The following PTPN3 variants were observed in gnomAD, a reference collection of about 807,000 sequenced individuals.
The protein encoded by PTPN3 is protein tyrosine phosphatase non-receptor type 3.
In PTPN3, 96 loss-of-function variants were observed where a neutral mutation model predicts 132.7. The observed-to-expected ratio is 0.72, with a 90% CI of 0.61 to 0.86. PTPN3 has a LOEUF of 0.86. Ranked by LOEUF, PTPN3 falls within the 40% of genes least tolerant of loss-of-function variation. The probability of loss-of-function intolerance (pLI) is 0.00; values close to 1 mark genes in which losing one functional copy is unlikely to be tolerated. For missense variants in PTPN3, 1,125 were observed against 1,159.6 expected (o/e 0.97, Z 0.43); for synonymous variants, 398 against 429.0 (o/e 0.93, Z 0.89).
chr9:109,396,539 T>C (rs752293500), intron 19 of PTPN3, among the ~76,000 whole-genome samples: 2 of 152,186 alleles, frequency 1.3e-5, no homozygotes, highest in Non-Finnish European at 2.9e-5. Flanking sequence ...GTCACAGGGA[T>C]ACAAAATGAC....
chr9:109,445,203 AC>A (rs751366566), intron 7 of PTPN3, 36 bp downstream of exon 7: 1 of 1,591,804 alleles, frequency 6.3e-7, no homozygotes, highest in South Asian at 1.1e-5. Context: ...GATCAGAACA[AC>A]CTGTCCATCC....
At chr9:109,479,504 G>A (rs1385618739) in intron 1 of PTPN3, among the ~76,000 whole-genome samples, 1 of 152,330 alleles carries the variant, frequency 6.6e-6, no homozygotes, top group South Asian at 2.1e-4. Flanking sequence ...GTATCTGTCC[G>A]AGTCCACTTT....
chr9:109,505,795 G>A, the PTPN3 span, among the ~76,000 whole-genome samples: 95 of 151,896 alleles, frequency 6.3e-4, no homozygotes, highest in African/African-American at 2.2e-3. Flanking sequence ...TGTGGCCCAG[G>A]CTTGAGTGCA....
chr9:109,451,043 AATTTTT>A lies in PTPN3; in HGVS notation c.369-2194_369-2189del, dbSNP rs1287581833. On this transcript the variant is annotated intron_variant, in intron 5 of 25. Coordinates refer to ENST00000374541, the MANE Select transcript of PTPN3 (RefSeq NM_002829.4). The stretch of plus-strand genomic sequence containing the variant: ...AAGTTTTTTTATTTTTCATTTTTTT[AATTTTT>A]AATTTTTTTAAAGCATGTGAATTAA... The A allele has an allele frequency of 4.8e-3, 1,964 of 408,026 alleles. 3 individuals carry two copies. Among genetic ancestry groups the A allele is most frequent in the East Asian group, 0.03 (116 of 3,888 alleles). The allele number at this position is 408,026 out of a possible 1,614,324, so 25.3% of individuals were successfully genotyped here.
Position 109,457,186 on chromosome 9 carries a change from C to G in PTPN3, c.276G>C (p.Arg92Ser), listed in dbSNP as rs780583300. The change falls in exon 4 of 26, where the codon AGG (arginine) becomes AGC (serine). Residue 92 changes from arginine (R) to serine (S), a missense_variant. Transcript: ENST00000374541. ...PRWLEASKAI[R>S]KQLKGGFPCT... ...GATCACACCAACCTTTTAACTGCTT[C>G]CTGATGGCTTTGCTTGCTTCCAGCC... 6.2e-7 allele frequency: 1 copy of G among 1,614,040 alleles called. No homozygotes were observed. Among genetic ancestry groups the G allele is most frequent in the South Asian group, 1.1e-5 (1 of 91,058 alleles).
At chr9:109,475,681 G>C (rs1846623229) in intron 1 of PTPN3, among the ~76,000 whole-genome samples, 1 of 152,198 alleles carries the variant, frequency 6.6e-6, no homozygotes, top group Non-Finnish European at 1.5e-5. Flanking sequence ...GTCAGTCCAC[G>C]ATATTTCTAT....
chr9:109,477,539 G>C lies in PTPN3; in HGVS notation c.-17-14088C>G, dbSNP rs114146920. Among the ~76,000 whole-genome samples, 852 of 152,362 alleles carry C rather than the reference G, an allele frequency of 5.6e-3. 10 individuals carry two copies. Among genetic ancestry groups the C allele is most frequent in the African/African-American group, 0.019 (811 of 41,596 alleles). On this transcript the variant is annotated intron_variant, in intron 1 of 25. Transcript: ENST00000374541. Reference sequence around the variant, plus strand: ...TAAAGTGTGGCCAACGCACCTTTCAGAATTGAGGAAATGTAGTAAATGACT... The same window carrying C: ...TAAAGTGTGGCCAACGCACCTTTCACAATTGAGGAAATGTAGTAAATGACT...
At chr9:109,535,349 T>C in the PTPN3 span, among the ~76,000 whole-genome samples, 2 of 152,154 alleles carry the variant, frequency 1.3e-5, no homozygotes, top group Non-Finnish European at 2.9e-5. Context: ...AAAATTTCAG[T>C]GTAAAATATA....
the PTPN3 span, among the ~76,000 whole-genome samples, chr9:109,537,585 T>C: frequency 1.3e-5 from 2 of 152,096 alleles, no homozygotes; most frequent in Non-Finnish European, 2.9e-5. Flanking sequence ...TGTCACGTTG[T>C]CTTTTCTTTC....
intron 12 of PTPN3, among the ~76,000 whole-genome samples, chr9:109,425,139 A>T (rs545013191): frequency 6.6e-6 from 1 of 152,362 alleles, no homozygotes; most frequent in Non-Finnish European, 1.5e-5. Flanking sequence ...AAACAGTATT[A>T]TAAGAGCTAA....
chr9:109,436,258 T>C (rs1844042669), intron 9 of PTPN3, among the ~76,000 whole-genome samples: 1 of 152,250 alleles, frequency 6.6e-6, no homozygotes, highest in East Asian at 1.9e-4. Flanking sequence ...AAGCTACAAC[T>C]TGTGTGCTGT....
intron 5 of PTPN3, chr9:109,449,661 A>T: frequency 1.0e-6 from 1 of 985,488 alleles, no homozygotes; most frequent in African/African-American, 1.7e-5. Flanking sequence ...ACACTTGGCC[A>T]CTAGCTCCCA....
chr9:109,508,805 C>T, the PTPN3 span, among the ~76,000 whole-genome samples: 1 of 152,140 alleles, frequency 6.6e-6, no homozygotes, highest in Non-Finnish European at 1.5e-5. Context: ...TTGGATATCA[C>T]TGTGCACTCT....
intron 5 of PTPN3, among the ~76,000 whole-genome samples, chr9:109,452,465 A>C (rs1244352557): frequency 6.6e-6 from 1 of 152,092 alleles, no homozygotes; most frequent in Admixed American, 6.5e-5. Context: ...ACACATGTAC[A>C]TACATACATA....
At chr9:109,463,098 G>A (rs1045412105) in intron 2 of PTPN3, among the ~76,000 whole-genome samples, 199 bp downstream of exon 2, 6 of 151,456 alleles carry the variant, frequency 4.0e-5, no homozygotes, top group East Asian at 2.0e-4. Flanking sequence ...ACAGAAGGGC[G>A]GGGGGAAGAC....
intron 21 of PTPN3, among the ~76,000 whole-genome samples, chr9:109,390,698 A>G (rs1448599126): frequency 6.6e-6 from 1 of 152,212 alleles, no homozygotes; most frequent in African/African-American, 2.4e-5. Context: ...TGCTTTTCCC[A>G]TAACATGTGA....
intron 4 of PTPN3, among the ~76,000 whole-genome samples, chr9:109,456,440 G>C (rs925668094): frequency 3.3e-5 from 5 of 152,348 alleles, no homozygotes; most frequent in African/African-American, 1.2e-4. Context: ...GAGGAAATGA[G>C]ATCTGAGCAG....
chr9:109,500,158 C>A (rs1483685211), upstream of PTPN3, among the ~76,000 whole-genome samples: 1 of 152,234 alleles, frequency 6.6e-6, no homozygotes, highest in Non-Finnish European at 1.5e-5. Flanking sequence ...AAATAAGGAA[C>A]GTGAACGTGT....
At chr9:109,458,849 A>G (rs762624578) in intron 2 of PTPN3, among the ~76,000 whole-genome samples, 9 of 152,212 alleles carry the variant, frequency 5.9e-5, no homozygotes, top group Admixed American at 6.5e-5. Context: ...ATTACATTTA[A>G]TATATATTAT....
Sources: allele counts gnomAD v4.1 joint callset (sites outside exome capture counted in the v4.1 genomes callset), GRCh38; gene constraint gnomAD v4.1.1; transcripts MANE v1.5; gene names NCBI Gene and HGNC (gene_info 2026-07-23, HGNC 2026-07-21).